Variants in PDE4B observed in about 807,000 individuals in gnomAD.
PDE4B encodes 3',5'-cyclic-AMP phosphodiesterase 4B.
Under a neutral mutation model 82.2 loss-of-function variants are expected in PDE4B, and 20 were observed. The ratio of observed to expected loss-of-function variants is 0.24; its 90% confidence interval spans 0.17 to 0.35. The LOEUF is 0.35. Ranked by LOEUF, PDE4B falls within the 10% of genes least tolerant of loss-of-function variation. The pLI is 1.00. For synonymous variants in PDE4B, 320 were observed against 318.9 expected (o/e 1.00, Z -0.04); for missense variants, 655 against 907.2 (o/e 0.72, Z 3.57).
intron 8 of PDE4B, among the ~76,000 whole-genome samples, chr1:66,351,569 T>A (rs1661820305): frequency 1.3e-5 from 2 of 152,182 alleles, no homozygotes; most frequent in African/African-American, 4.8e-5. Context: ...TCCTCAGTCA[T>A]GTAGAGGGAG....
intron 16 of PDE4B, 119 bp from the exon 17 acceptor site, chr1:66,372,194 C>A: frequency 9.8e-7 from 1 of 1,015,236 alleles, no homozygotes; most frequent in Admixed American, 2.3e-5. Flanking sequence ...ATCATGGAAT[C>A]CATTATGATT....
chr1:66,231,238 C>T (rs1211232420), intron 3 of PDE4B, among the ~76,000 whole-genome samples: 6 of 152,058 alleles, frequency 3.9e-5, no homozygotes, highest in Non-Finnish European at 8.8e-5. Context: ...ATTTAAGGTA[C>T]TGGTTTTTAT....
chr1:66,046,482 A>G (rs1654721033), intron 3 of PDE4B, among the ~76,000 whole-genome samples: 1 of 151,794 alleles, frequency 6.6e-6, no homozygotes, highest in Non-Finnish European at 1.5e-5. Context: ...TACTCATTCT[A>G]ATATCTCCCA....
At chr1:66,331,836 A>G in intron 7 of PDE4B, 10 of 985,392 alleles carry the variant, frequency 1.0e-5, no homozygotes, top group Non-Finnish European at 1.1e-5. Context: ...CTGGAGTCTT[A>G]TCAGGGAGAC....
intron 3 of PDE4B, among the ~76,000 whole-genome samples, chr1:66,201,879 CT>C (rs1177064556): frequency 1.3e-5 from 2 of 151,820 alleles, no homozygotes; most frequent in South Asian, 4.2e-4. Context: ...TATTTCTTGC[CT>C]TCTGCTAGCT....
At chr1:66,010,897 A>G (rs1343158388) in intron 3 of PDE4B, among the ~76,000 whole-genome samples, 1 of 150,924 alleles carries the variant, frequency 6.6e-6, no homozygotes, top group African/African-American at 2.4e-5. Context: ...ATGATGTCAA[A>G]AAGTCTCACA....
chr1:65,792,851 C>A (rs1208549902), upstream of PDE4B, among the ~76,000 whole-genome samples: 1 of 151,920 alleles, frequency 6.6e-6, no homozygotes, highest in Non-Finnish European at 1.5e-5. Context: ...GTCTCTCTTC[C>A]GGGGGGCGGG....
At chr1:65,845,877 C>A (rs1287684671) in intron 1 of PDE4B, among the ~76,000 whole-genome samples, 1 of 152,192 alleles carries the variant, frequency 6.6e-6, no homozygotes, top group Non-Finnish European at 1.5e-5. Context: ...ACTCCTCCAA[C>A]TTTTTCTCCA....
At chr1:65,965,246 T>TC (rs200321708) in intron 3 of PDE4B, among the ~76,000 whole-genome samples, 9,171 of 151,740 alleles carry the variant, frequency 0.06, 354 homozygotes, top group Middle Eastern at 0.19. Flanking sequence ...AGGCATTTCC[T>TC]CCCCCCCCCA....
chr1:66,068,028 G>T (rs906701899), intron 3 of PDE4B, among the ~76,000 whole-genome samples: 1 of 151,304 alleles, frequency 6.6e-6, no homozygotes, highest in Non-Finnish European at 1.5e-5. Context: ...CACCAACATG[G>T]CACATGTATA....
intron 7 of PDE4B, among the ~76,000 whole-genome samples, chr1:66,314,163 T>C (rs879902851): frequency 2.0e-5 from 3 of 152,184 alleles, no homozygotes; most frequent in Admixed American, 6.5e-5. Flanking sequence ...TGTTATCCTA[T>C]TGCTACCATC....
At chr1:66,217,076 G>A (rs1030998017) in intron 3 of PDE4B, among the ~76,000 whole-genome samples, 2 of 152,056 alleles carry the variant, frequency 1.3e-5, no homozygotes, top group Non-Finnish European at 2.9e-5. Context: ...TAAAAAATAA[G>A]GAAAGTCATT....
intron 3 of PDE4B, among the ~76,000 whole-genome samples, chr1:66,096,529 T>TATAC (rs1645123504): frequency 7.0e-6 from 1 of 142,540 alleles, no homozygotes; most frequent in East Asian, 2.0e-4. Flanking sequence ...TATATATATA[T>TATAC]ATATATATAT....
At chr1:65,993,736 G>A (rs1651375690) in intron 3 of PDE4B, among the ~76,000 whole-genome samples, 1 of 151,996 alleles carries the variant, frequency 6.6e-6, no homozygotes, top group African/African-American at 2.4e-5. Flanking sequence ...ATTCCAAAAT[G>A]CTGTTATCTT....
intron 3 of PDE4B, among the ~76,000 whole-genome samples, chr1:66,003,957 T>A (rs569672438): frequency 6.6e-5 from 10 of 152,294 alleles, no homozygotes; most frequent in African/African-American, 2.2e-4. Flanking sequence ...CATGCTCATT[T>A]ATCAAAACGA....
intron 7 of PDE4B, among the ~76,000 whole-genome samples, chr1:66,269,168 G>C (rs1452692395): frequency 6.6e-6 from 1 of 152,142 alleles, no homozygotes; most frequent in East Asian, 1.9e-4. Flanking sequence ...ATTAGTTATT[G>C]CACTGAAGTT....
intron 1 of PDE4B, among the ~76,000 whole-genome samples, chr1:65,814,152 GC>G (rs927039311): frequency 6.6e-6 from 1 of 152,164 alleles, no homozygotes; most frequent in Non-Finnish European, 1.5e-5. Flanking sequence ...CACATTGCTT[GC>G]CAAAGCCTTG....
chr1:66,332,749 A>T (rs1022908475), intron 8 of PDE4B, 129 bp downstream of exon 8: 2 of 746,956 alleles, frequency 2.7e-6, no homozygotes, highest in African/African-American at 3.5e-5. Context: ...TGCTTTGTCT[A>T]GAAGATTCTC....
At chr1:66,002,905 T>C (rs934269986) in intron 3 of PDE4B, among the ~76,000 whole-genome samples, 12 of 152,164 alleles carry the variant, frequency 7.9e-5, no homozygotes, top group African/African-American at 2.9e-4. Context: ...AGACTGTGAG[T>C]TACCTATTTC....
Sources: allele counts gnomAD v4.1 joint callset (sites outside exome capture counted in the v4.1 genomes callset), GRCh38; gene constraint gnomAD v4.1.1; transcripts MANE v1.5; gene names NCBI Gene and HGNC (gene_info 2026-07-23, HGNC 2026-07-21).